RRP15: variants seen among roughly 807,000 people sequenced by gnomAD.
RRP15 encodes ribosomal RNA processing 15 homolog, also known as RRP15-like protein.
Under a neutral mutation model 27.1 loss-of-function variants are expected in RRP15, and 18 were observed. The observed-to-expected ratio is 0.66, with a 90% CI of 0.46 to 0.98. The LOEUF (loss-of-function observed/expected upper bound fraction) is 0.98, where lower values mean the gene tolerates loss of function less well. Ranked by LOEUF, RRP15 falls within the 50% of genes least tolerant of loss-of-function variation. The pLI, the probability that RRP15 is intolerant of heterozygous loss-of-function variation, is 0.00. For missense variants in RRP15, 359 were observed against 337.8 expected (o/e 1.06, Z -0.49); for synonymous variants, 107 against 109.4 (o/e 0.98, Z 0.14).
intron 4 of RRP15, among the ~76,000 whole-genome samples, chr1:218,308,323 C>T (rs779494633): frequency 6.6e-6 from 1 of 151,814 alleles, no homozygotes; most frequent in African/African-American, 2.4e-5. Flanking sequence ...CCACTCGCCT[C>T]GGCCTTCCAA....
chr1:218,312,282 CTT>C (rs538218806), intron 4 of RRP15, among the ~76,000 whole-genome samples: 4,453 of 137,380 alleles, frequency 0.032, 83 homozygotes, highest in East Asian at 0.079. Flanking sequence ...TTTCTTTTTT[CTT>C]TTTTTTTTTT....
At chr1:218,291,128 G>A (rs538731232) in intron 1 of RRP15, among the ~76,000 whole-genome samples, 58 of 152,000 alleles carry the variant, frequency 3.8e-4, no homozygotes, top group Admixed American at 1.2e-3. Context: ...GACACAGCAT[G>A]ACCCTGTCCC....
intron 4 of RRP15, among the ~76,000 whole-genome samples, chr1:218,309,032 G>A (rs1045325765): frequency 6.6e-6 from 1 of 152,122 alleles, no homozygotes; most frequent in Non-Finnish European, 1.5e-5. Flanking sequence ...CATGAGTTAT[G>A]AAAATACACA....
rs574453958 is a variant in RRP15, at chr1:218,307,357, T to C, written c.504-74T>C. On this transcript the variant is annotated intron_variant, in intron 3 of 4. Coordinates refer to ENST00000366932, the MANE Select transcript of RRP15 (RefSeq NM_016052.4). ...CTCTTTTCTAGACAGTGAAAATACATTTTTCCTATCCTCAGAGTTTGTATT... is the reference window on the plus strand; with the variant it reads ...CTCTTTTCTAGACAGTGAAAATACACTTTTCCTATCCTCAGAGTTTGTATT... 7.2e-5 allele frequency: 94 copies of C among 1,308,328 alleles called. No homozygotes were observed. In the South Asian group the frequency reaches 1.3e-3, roughly 18 times the overall value. 81.0% of individuals were successfully genotyped at this position (1,308,328 alleles called of 1,614,324 possible). A position where few individuals can be genotyped will look rare whatever the true frequency, so the allele number is the denominator to read the frequency against.
intron 4 of RRP15, among the ~76,000 whole-genome samples, chr1:218,318,035 T>C (rs1656117768): frequency 6.6e-6 from 1 of 152,100 alleles, no homozygotes; most frequent in Non-Finnish European, 1.5e-5. Context: ...AGCTCTTTTA[T>C]AAAAATTGTC....
chr1:218,305,348 A>G (rs1231882989), intron 3 of RRP15, among the ~76,000 whole-genome samples: 1 of 152,186 alleles, frequency 6.6e-6, no homozygotes, highest in Admixed American at 6.5e-5. Context: ...ATTTCAGATC[A>G]TCTTGTTTTT....
chr1:218,304,847 G>A (rs79225514), intron 2 of RRP15, among the ~76,000 whole-genome samples, 181 bp from the exon 3 acceptor site: 164 of 152,222 alleles, frequency 1.1e-3, no homozygotes, highest in African/African-American at 3.0e-3. Context: ...CGCATGACAC[G>A]CTGAGTGCTA....
At position 218,336,833 on chromosome 1, in the gene RRP15, C is replaced by G. The variant is rs1348165510; in HGVS notation, c.*5742C>G. On this transcript the variant is annotated 3_prime_UTR_variant, in exon 5 of 5. Coordinates refer to ENST00000366932, the MANE Select transcript of RRP15 (RefSeq NM_016052.4). ...TCCTTCTCTACAAATGCCAGGAACACCAGGGTAGATTGCATGAGACATGAC... is the reference window on the plus strand; with the variant it reads ...TCCTTCTCTACAAATGCCAGGAACAGCAGGGTAGATTGCATGAGACATGAC... The G allele has an allele frequency of 6.6e-6, 1 of 152,172 alleles. No homozygotes were observed. The highest frequency in any genetic ancestry group is 1.9e-4 in the East Asian group (1 of 5,196). 9.4% of individuals were successfully genotyped at this position (152,172 alleles called of 1,614,324 possible). A position where few individuals can be genotyped will look rare whatever the true frequency, so the allele number is the denominator to read the frequency against.
chr1:218,287,849 G>A (rs1324711321), intron 1 of RRP15, among the ~76,000 whole-genome samples: 1 of 152,124 alleles, frequency 6.6e-6, no homozygotes, highest in Non-Finnish European at 1.5e-5. Context: ...TCAGTAAATT[G>A]TTTTGTTGAA....
chr1:218,324,472 A>C lies in RRP15; in HGVS notation c.706-6476A>C, dbSNP rs533274160. ...ATTATCTGCCTCAGGGACGCGGGGCACAAGGGTTCCAGCGCCGCCACTGCT... is the reference window on the plus strand; with the variant it reads ...ATTATCTGCCTCAGGGACGCGGGGCCCAAGGGTTCCAGCGCCGCCACTGCT... On this transcript the variant is annotated intron_variant, in intron 4 of 4. Transcript: ENST00000366932. 2.6e-5 allele frequency among the ~76,000 whole-genome samples: 4 copies of C among 152,312 alleles called. No homozygotes were observed. In the South Asian group the frequency reaches 8.3e-4, roughly 32 times the overall value.
chr1:218,285,899 A>G lies in RRP15; in HGVS notation c.139+444A>G, dbSNP rs150547733. 6.6e-3 allele frequency among the ~76,000 whole-genome samples: 1,007 copies of G among 152,298 alleles called. 11 individuals carry two copies. Among genetic ancestry groups the G allele is most frequent in the African/African-American group, 0.023 (953 of 41,564 alleles). On this transcript the variant is annotated intron_variant, in intron 1 of 4. Transcript: ENST00000366932. ...GTGTGCGTGTTTTAGAGACTAAATAATAGTGAATGAAAGAAGAGTTTGGTG... is the reference window on the plus strand; with the variant it reads ...GTGTGCGTGTTTTAGAGACTAAATAGTAGTGAATGAAAGAAGAGTTTGGTG...
intron 4 of RRP15, among the ~76,000 whole-genome samples, chr1:218,315,794 A>G (rs1051178205): frequency 6.6e-6 from 1 of 152,050 alleles, no homozygotes. Flanking sequence ...TGTGGAAGGC[A>G]GGCAAGGAGG....
At chr1:218,291,008 G>A (rs1488475584) in intron 1 of RRP15, among the ~76,000 whole-genome samples, 7 of 115,652 alleles carry the variant, frequency 6.1e-5, no homozygotes, top group Admixed American at 1.5e-4. Context: ...GGTGTGTGCC[G>A]TGTGCCTGTA....
At chr1:218,317,418 A>G (rs903680255) in intron 4 of RRP15, among the ~76,000 whole-genome samples, 3 of 152,244 alleles carry the variant, frequency 2.0e-5, no homozygotes, top group Non-Finnish European at 2.9e-5. Flanking sequence ...TGAAGGAAGC[A>G]GCTTGCATTC....
At chr1:218,307,711 G>A (rs1444333002) in intron 4 of RRP15, 79 bp downstream of exon 4, 2 of 940,138 alleles carry the variant, frequency 2.1e-6, no homozygotes, top group African/African-American at 3.4e-5. Context: ...CCAGACTATA[G>A]AATTACAGAG....
intron 1 of RRP15, among the ~76,000 whole-genome samples, chr1:218,299,236 C>T (rs1655772707): frequency 6.6e-6 from 1 of 151,944 alleles, no homozygotes; most frequent in South Asian, 2.1e-4. Flanking sequence ...CAGTGAATGC[C>T]TGATTAAAAA....
chr1:218,325,035 C>T (rs1656250151), intron 4 of RRP15, among the ~76,000 whole-genome samples: 1 of 152,074 alleles, frequency 6.6e-6, no homozygotes, highest in Admixed American at 6.5e-5. Flanking sequence ...TTCTTTGATC[C>T]TTGGAATTTC....
chr1:218,289,157 A>T (rs1238209010), intron 1 of RRP15, among the ~76,000 whole-genome samples: 1 of 152,238 alleles, frequency 6.6e-6, no homozygotes. Flanking sequence ...GACCTAAAAA[A>T]ACTGCTAGTC....
Position 218,336,541 on chromosome 1 carries a change from G to T in RRP15, c.*5450G>T, listed in dbSNP as rs923299968. On this transcript the variant is annotated 3_prime_UTR_variant, in exon 5 of 5. Coordinates refer to ENST00000366932, the MANE Select transcript of RRP15 (RefSeq NM_016052.4). ...TTCACCCTCAGGCTACCAGACAGTT[G>T]CCTCTTTGCATTTGCAGAACCAGAC... 3 of 152,602 alleles carry T rather than the reference G, an allele frequency of 2.0e-5. No individual in the cohort carries two copies. Among genetic ancestry groups the T allele is most frequent in the Non-Finnish European group, 4.4e-5 (3 of 68,062 alleles). 9.5% of individuals were successfully genotyped at this position (152,602 alleles called of 1,614,324 possible). A position where few individuals can be genotyped will look rare whatever the true frequency, so the allele number is the denominator to read the frequency against.
Sources: gnomAD v4.1 joint callset for allele counts (sites outside exome capture counted in the v4.1 genomes callset) on GRCh38, gnomAD v4.1.1 for gene constraint, MANE v1.5 for transcripts, NCBI Gene and HGNC (gene_info 2026-07-23, HGNC 2026-07-21) for gene names.